TMEM43: variants seen among roughly 807,000 people sequenced by gnomAD.
TMEM43 encodes the protein arrhythmogenic right ventricular dysplasia 5.
In TMEM43, 45 loss-of-function variants were observed where a neutral mutation model predicts 49.6. The observed-to-expected ratio is 0.91, with a 90% CI of 0.71 to 1.16. The LOEUF (loss-of-function observed/expected upper bound fraction) is 1.16, where lower values mean the gene tolerates loss of function less well. Among genes scored for constraint, TMEM43 ranks in the 50% most tolerant of loss-of-function variants. The probability of loss-of-function intolerance (pLI) is 0.00; values close to 1 mark genes in which losing one functional copy is unlikely to be tolerated. For synonymous variants in TMEM43, 199 were observed against 207.8 expected, an observed-to-expected ratio of 0.96 and a Z score of 0.36; for missense variants, 532 against 516.6, an observed-to-expected ratio of 1.03 and a Z score of -0.29.
At position 14,141,402 on chromosome 3, in the gene TMEM43, G is replaced by A. The variant is rs547693924; in HGVS notation, c.1001-191G>A. ...TGGCTTAGGCAATGTGCCCAACCAC[G>A]CAGCTCATAGCAGAGGCTCCTGTGC... On this transcript the variant is annotated intron_variant, in intron 11 of 11. Coordinates refer to ENST00000306077, the MANE Select transcript of TMEM43 (RefSeq NM_024334.3). Among the ~76,000 whole-genome samples, 153 of 152,326 alleles carry A rather than the reference G, an allele frequency of 1.0e-3. 1 individual carries two copies. The Middle Eastern group carries it at 0.01, about 10-fold the overall frequency.
In TMEM43 at chr3:14,139,211, C is replaced by A. The variant is rs777277570; in HGVS notation, c.914C>A (p.Ser305Tyr). ...EVFHRELRSN[S>Y]MKTWGLRAAG... ...TTTCATAGAGAACTAAGGAGCAACTCCATGAAGACCTGGGGCCTGCGGGCA... is the reference window on the plus strand; with the variant it reads ...TTTCATAGAGAACTAAGGAGCAACTACATGAAGACCTGGGGCCTGCGGGCA... Residue 305 changes from serine to tyrosine, a missense_variant, in exon 11 of 12, where the codon TCC becomes TAC. Coordinates refer to ENST00000306077, the MANE Select transcript of TMEM43 (RefSeq NM_024334.3). The A allele has an allele frequency of 9.3e-6, 15 of 1,614,082 alleles. No individual in the cohort carries two copies. The South Asian group carries it at 1.6e-4, about 18-fold the overall frequency.
intron 1 of TMEM43, among the ~76,000 whole-genome samples, chr3:14,125,718 T>C (rs1695010507): frequency 6.6e-6 from 1 of 152,020 alleles, no homozygotes; most frequent in Non-Finnish European, 1.5e-5. Flanking sequence ...TCTGTGATGC[T>C]CCAAAAAGCT....
rs371797765 is a variant in TMEM43 at position 14,135,200 on chromosome 3, G to A, written c.748G>A (p.Gly250Ser). The change falls in exon 9 of 12, where the codon GGC (glycine) becomes AGC (serine). Residue 250 changes from glycine to serine, a missense_variant. Coordinates refer to ENST00000306077, the MANE Select transcript of TMEM43 (RefSeq NM_024334.3). ...CTCCTTTTCCTATGCTGGACTGAGC[G>A]GCGATGACCCTGACCTGGGCCCAGC... Reference protein sequence around the residue: ...RVSFSYAGLSGDDPDLGPAHV... With the variant: ...RVSFSYAGLSSDDPDLGPAHV... 35 of 1,612,688 alleles carry A rather than the reference G, an allele frequency of 2.2e-5. No homozygotes were observed. Among genetic ancestry groups the A allele is most frequent in the East Asian group, 1.8e-4 (8 of 44,874 alleles).
chr3:14,134,735 G>A, intron 7 of TMEM43, 35 bp from the exon 8 acceptor site: 1 of 1,613,794 alleles, frequency 6.2e-7, no homozygotes, highest in Non-Finnish European at 8.5e-7. Context: ...TTTTCACCTG[G>A]TCCCCTGGGT....
At chr3:14,139,826 G>A (rs934298869) in intron 11 of TMEM43, among the ~76,000 whole-genome samples, 3 of 152,202 alleles carry the variant, frequency 2.0e-5, no homozygotes, top group Admixed American at 6.5e-5. Flanking sequence ...GGAGCATGAA[G>A]GAGAGTTCTG....
rs1039594389 is a variant in TMEM43 at position 14,141,918 on chromosome 3, C to G, written c.*123C>G. The G allele has an allele frequency of 2.2e-6, 2 of 917,522 alleles. No homozygotes were observed. The highest frequency in any genetic ancestry group is 3.3e-6 in the Non-Finnish European group (2 of 612,592). 56.8% of individuals were successfully genotyped at this position (917,522 alleles called of 1,614,324 possible). Reference sequence around the variant, plus strand: ...AATTTTGGACTCTGCACTCCCTCTCCTCTTCAGGGGCCAGACTTGGCAGCA... The same window carrying G: ...AATTTTGGACTCTGCACTCCCTCTCGTCTTCAGGGGCCAGACTTGGCAGCA... On this transcript the variant is annotated 3_prime_UTR_variant, in exon 12 of 12. Coordinates refer to ENST00000306077, the MANE Select transcript of TMEM43 (RefSeq NM_024334.3).
At chr3:14,125,266 C>T (rs1695002480) in intron 1 of TMEM43, 61 bp downstream of exon 1, 2 of 1,563,418 alleles carry the variant, frequency 1.3e-6, no homozygotes, top group Admixed American at 3.7e-5. Flanking sequence ...GGGGCTTTTC[C>T]CCGGGGTCCT....
chr3:14,131,798 A>G, intron 4 of TMEM43, 124 bp downstream of exon 4: 2 of 765,654 alleles, frequency 2.6e-6, no homozygotes, highest in Non-Finnish European at 4.5e-6. Context: ...TTCCTATCAG[A>G]AAAGTGTGAA....
rs536832197 is a variant in TMEM43 at position 14,137,507 on chromosome 3, C to A, written c.882+1599C>A. ...CTGCTTAGCAGCCCCAAAGCCCTGT[C>A]TTCCCCCAGCCCAGCCCCCACCCCC... On this transcript the variant is annotated intron_variant, in intron 10 of 11. Transcript: ENST00000306077. Among the ~76,000 whole-genome samples, 18 of 152,322 alleles carry A rather than the reference C, an allele frequency of 1.2e-4. No homozygotes were observed. In the South Asian group the frequency reaches 3.7e-3, roughly 32 times the overall value.
chr3:14,136,616 A>G (rs1695173351), intron 10 of TMEM43, among the ~76,000 whole-genome samples: 2 of 152,130 alleles, frequency 1.3e-5, no homozygotes, highest in South Asian at 4.1e-4. Context: ...TTCCAGCAAG[A>G]ACAGCCCAGT....
intron 9 of TMEM43, among the ~76,000 whole-genome samples, chr3:14,135,481 G>C (rs1019137031): frequency 6.6e-6 from 1 of 152,172 alleles, no homozygotes; most frequent in Non-Finnish European, 1.5e-5. Context: ...TATGACAGGT[G>C]TTCCAGTCAC....
intron 11 of TMEM43, among the ~76,000 whole-genome samples, chr3:14,140,397 G>A (rs190101974): frequency 9.7e-4 from 147 of 152,228 alleles, no homozygotes; most frequent in African/African-American, 3.2e-3. Context: ...TCTGGAATGC[G>A]CCAGACTCAG....
At position 14,142,617 on chromosome 3, in the gene TMEM43, G is replaced by A. The variant is rs1284530381; in HGVS notation, c.*822G>A. The A allele has an allele frequency of 3.9e-5, 6 of 152,688 alleles. No homozygotes were observed. The highest frequency in any genetic ancestry group is 8.8e-5 in the Non-Finnish European group (6 of 68,044). 9.5% of individuals were successfully genotyped at this position (152,688 alleles called of 1,614,324 possible). A position where few individuals can be genotyped will look rare whatever the true frequency, so the allele number is the denominator to read the frequency against. On this transcript the variant is annotated 3_prime_UTR_variant, in exon 12 of 12. Coordinates refer to ENST00000306077, the MANE Select transcript of TMEM43 (RefSeq NM_024334.3). ...TGTTACAGGAAACACCCTTTAGTCT[G>A]TCAGTTGAATTCAGAGCACTGAAAG... is the stretch of plus-strand genomic sequence containing the variant.
intron 10 of TMEM43, among the ~76,000 whole-genome samples, chr3:14,138,610 G>C (rs971417181): frequency 2.0e-5 from 3 of 152,150 alleles, no homozygotes; most frequent in African/African-American, 4.8e-5. Flanking sequence ...AGGGCTGTGA[G>C]GCCCGGGAGA....
At chr3:14,131,713 G>A (rs202223358) in intron 4 of TMEM43, 39 bp downstream of exon 4, 8 of 1,462,266 alleles carry the variant, frequency 5.5e-6, no homozygotes, top group Middle Eastern at 1.7e-4. Context: ...GGGTAAAGGA[G>A]GAGTGAAGTG....
chr3:14,129,298 A>T, intron 1 of TMEM43, 114 bp from the exon 2 acceptor site: 1 of 847,486 alleles, frequency 1.2e-6, no homozygotes, highest in Non-Finnish European at 1.7e-6. Flanking sequence ...TACCACATAC[A>T]GTTAAAACTA....
chr3:14,140,686 G>A (rs1204037676), intron 11 of TMEM43, among the ~76,000 whole-genome samples: 1 of 152,240 alleles, frequency 6.6e-6, no homozygotes, highest in Non-Finnish European at 1.5e-5. Context: ...ATGGAGTTAA[G>A]AAGAGTACCT....
At chr3:14,135,756 C>A (rs768516856) in intron 9 of TMEM43, 51 bp from the exon 10 acceptor site, 3 of 1,521,474 alleles carry the variant, frequency 2.0e-6, no homozygotes, top group Non-Finnish European at 2.7e-6. Flanking sequence ...CTCTCGTGGG[C>A]GTGTCTCCCG....
rs369827356 is a variant in TMEM43 at position 14,139,338 on chromosome 3, T to C, written c.1000+41T>C. On this transcript the variant is annotated intron_variant, in intron 11 of 11. Coordinates refer to ENST00000306077, the MANE Select transcript of TMEM43 (RefSeq NM_024334.3). ...GGTCACTGCCCTCCCTCCTGCACCC[T>C]GAAAGGGCCTCCTCTGCCTGTCGCA... The C allele has an allele frequency of 1.1e-4, 151 of 1,379,128 alleles. No individual in the cohort carries two copies. In the African/African-American group the frequency reaches 1.8e-3, roughly 16 times the overall value. 85.4% of individuals were successfully genotyped at this position (1,379,128 alleles called of 1,614,324 possible). A position where few individuals can be genotyped will look rare whatever the true frequency, so the allele number is the denominator to read the frequency against.
Sources: allele counts gnomAD v4.1 joint callset (sites outside exome capture counted in the v4.1 genomes callset), GRCh38; gene constraint gnomAD v4.1.1; transcripts MANE v1.5; gene names NCBI Gene and HGNC (gene_info 2026-07-23, HGNC 2026-07-21).